Variants in KCNIP4 observed in about 807,000 individuals in gnomAD.
KCNIP4 encodes the protein potassium voltage-gated channel interacting protein 4, also known as Kv channel-interacting protein 4.
In KCNIP4, 12 loss-of-function variants were observed where a neutral mutation model predicts 34.0. The observed-to-expected ratio is 0.35, with a 90% CI of 0.23 to 0.57. The LOEUF is 0.57. KCNIP4 is among the 20% of genes least tolerant of loss of function. The pLI, the probability that KCNIP4 is intolerant of heterozygous loss-of-function variation, is 0.83. For missense variants in KCNIP4, 238 were observed against 311.7 expected, an observed-to-expected ratio of 0.76 and a Z score of 1.78; for synonymous variants, 124 against 102.2, an observed-to-expected ratio of 1.21 and a Z score of -1.29.
At chr4:21,122,457 G>GTTT (rs10553440) in intron 1 of KCNIP4, among the ~76,000 whole-genome samples, 1 of 126,360 alleles carries the variant, frequency 7.9e-6, no homozygotes. Context: ...TGCAGATCAA[G>GTTT]TTTTTTTTTT....
At chr4:20,765,547 G>A (rs900108516) in intron 3 of KCNIP4, among the ~76,000 whole-genome samples, 3 of 152,136 alleles carry the variant, frequency 2.0e-5, no homozygotes, top group African/African-American at 7.2e-5. Flanking sequence ...ACCTTCCTGT[G>A]TGCCACATAC....
chr4:21,805,985 T>G (rs1008120579), intron 1 of KCNIP4, among the ~76,000 whole-genome samples: 1 of 152,194 alleles, frequency 6.6e-6, no homozygotes, highest in Non-Finnish European at 1.5e-5. Flanking sequence ...TGCTTTTCCT[T>G]TAGGAATTTT....
At chr4:21,837,134 G>C (rs1246940021) in intron 1 of KCNIP4, among the ~76,000 whole-genome samples, 1 of 149,932 alleles carries the variant, frequency 6.7e-6, no homozygotes, top group African/African-American at 2.4e-5. Context: ...AGCCAGGATG[G>C]TCTCGATCTC....
chr4:20,783,538 T>C (rs769990084), intron 3 of KCNIP4, among the ~76,000 whole-genome samples: 4 of 152,180 alleles, frequency 2.6e-5, no homozygotes, highest in East Asian at 3.9e-4. Context: ...AACTGTCAGA[T>C]CTTGTGAGAC....
chr4:21,430,539 T>A (rs1037013103), intron 1 of KCNIP4, among the ~76,000 whole-genome samples: 4 of 152,136 alleles, frequency 2.6e-5, no homozygotes, highest in Non-Finnish European at 4.4e-5. Context: ...GGCTCAGTTC[T>A]ATGGGTGATG....
In KCNIP4 at chr4:21,191,005, G is replaced by A. The variant is rs540523759; in HGVS notation, c.62-308296C>T. On this transcript the variant is annotated intron_variant, in intron 1 of 8. Transcript: ENST00000382152. ...AAATCTTGGTAGATGAGAGAATTGT[G>A]GCTTTTGAAAATAATAGCATTACAC... Among the ~76,000 whole-genome samples, 7 of 152,266 alleles carry A rather than the reference G, an allele frequency of 4.6e-5. No homozygotes were observed. In the South Asian group the frequency reaches 1.5e-3, roughly 32 times the overall value.
chr4:20,951,604 T>C (rs2149641040), intron 1 of KCNIP4, among the ~76,000 whole-genome samples: 1 of 152,284 alleles, frequency 6.6e-6, no homozygotes, highest in South Asian at 2.1e-4. Context: ...CACTCATATA[T>C]CTTTTTTGAA....
intron 3 of KCNIP4, among the ~76,000 whole-genome samples, chr4:20,786,853 C>G (rs1188442773): frequency 8.1e-6 from 1 of 123,096 alleles, no homozygotes; most frequent in Non-Finnish European, 1.7e-5. Context: ...TTATCTTTAT[C>G]AATGATATAG....
At chr4:21,586,814 G>GA (rs1375330006) in intron 1 of KCNIP4, among the ~76,000 whole-genome samples, 2 of 151,912 alleles carry the variant, frequency 1.3e-5, no homozygotes, top group African/African-American at 2.4e-5. Context: ...TAAGGGAAAG[G>GA]AAAAAATGTA....
At chr4:21,293,531 G>A (rs1763663822) in intron 1 of KCNIP4, among the ~76,000 whole-genome samples, 2 of 152,262 alleles carry the variant, frequency 1.3e-5, no homozygotes, top group Admixed American at 6.5e-5. Flanking sequence ...ATTGTGTCAG[G>A]CATGAAGTCT....
intron 1 of KCNIP4, among the ~76,000 whole-genome samples, chr4:21,238,990 G>A (rs1452352423): frequency 1.3e-5 from 2 of 152,098 alleles, no homozygotes; most frequent in Non-Finnish European, 2.9e-5. Flanking sequence ...CAAGGCTACA[G>A]TAACCAAAAC....
intron 1 of KCNIP4, among the ~76,000 whole-genome samples, chr4:21,175,045 A>G (rs1278560293): frequency 6.6e-6 from 1 of 152,088 alleles, no homozygotes; most frequent in African/African-American, 2.4e-5. Context: ...GGTGACCAAG[A>G]TGGCCTTAAT....
At chr4:21,591,448 T>C (rs1742212581) in intron 1 of KCNIP4, among the ~76,000 whole-genome samples, 1 of 152,116 alleles carries the variant, frequency 6.6e-6, no homozygotes, top group Non-Finnish European at 1.5e-5. Context: ...TTGAGATATT[T>C]TGTAACTACG....
At chr4:21,410,498 C>G (rs1724408206) in intron 1 of KCNIP4, among the ~76,000 whole-genome samples, 1 of 152,134 alleles carries the variant, frequency 6.6e-6, no homozygotes, top group Non-Finnish European at 1.5e-5. Context: ...TCAAGCAACA[C>G]TATGGAAAAA....
At chr4:21,904,108 C>T (rs1455810823) in intron 1 of KCNIP4, among the ~76,000 whole-genome samples, 1 of 152,046 alleles carries the variant, frequency 6.6e-6, no homozygotes. Flanking sequence ...TCCAAAATTT[C>T]AGAAATCATG....
At chr4:20,886,614 G>A (rs1725345390) in intron 1 of KCNIP4, among the ~76,000 whole-genome samples, 2 of 152,334 alleles carry the variant, frequency 1.3e-5, no homozygotes, top group Admixed American at 6.5e-5. Context: ...AGCCCTGCCA[G>A]CCTTCCAAAG....
At chr4:21,686,037 T>C (rs1043013404) in intron 1 of KCNIP4, among the ~76,000 whole-genome samples, 2 of 152,226 alleles carry the variant, frequency 1.3e-5, no homozygotes, top group Non-Finnish European at 2.9e-5. Context: ...TTGACTTTTG[T>C]TTGGCTCAGG....
At chr4:21,681,806 C>T (rs2109025143) in intron 1 of KCNIP4, among the ~76,000 whole-genome samples, 1 of 152,090 alleles carries the variant, frequency 6.6e-6, no homozygotes, top group Admixed American at 6.6e-5. Flanking sequence ...TGGCAGAAGG[C>T]AAAGGGAGCA....
At chr4:21,627,147 A>C (rs1324117482) in intron 1 of KCNIP4, among the ~76,000 whole-genome samples, 2 of 152,014 alleles carry the variant, frequency 1.3e-5, no homozygotes, top group Non-Finnish European at 2.9e-5. Flanking sequence ...TTGTGTGTAG[A>C]TTCCAAAATC....
Sources: gnomAD v4.1 joint callset for allele counts (sites outside exome capture counted in the v4.1 genomes callset) on GRCh38, gnomAD v4.1.1 for gene constraint, MANE v1.5 for transcripts, NCBI Gene and HGNC (gene_info 2026-07-23, HGNC 2026-07-21) for gene names.